TSPAN9: variants seen among roughly 807,000 people sequenced by gnomAD.
The protein encoded by TSPAN9 is tetraspanin-9.
A neutral mutation model predicts 31.0 loss-of-function variants in TSPAN9; 16 were observed. The ratio of observed to expected loss-of-function variants is 0.52; its 90% confidence interval spans 0.35 to 0.78. TSPAN9 has a LOEUF of 0.78. Ranked by LOEUF, TSPAN9 falls within the 30% of genes least tolerant of loss-of-function variation. The probability of loss-of-function intolerance (pLI) is 0.01; values close to 1 mark genes in which losing one functional copy is unlikely to be tolerated. For synonymous variants in TSPAN9, 145 were observed against 121.6 expected (o/e 1.19, Z -1.27); for missense variants, 272 against 312.5 (o/e 0.87, Z 0.98).
intron 2 of TSPAN9, among the ~76,000 whole-genome samples, chr12:3,182,627 C>T (rs909077834): frequency 3.9e-5 from 6 of 152,202 alleles, no homozygotes; most frequent in Admixed American, 3.9e-4. Flanking sequence ...ACTGGCACCC[C>T]ATTCTCTTGC....
rs1463367512 is a variant in TSPAN9 at position 3,166,351 on chromosome 12, TTTG to T, written c.-17-34823_-17-34821del. On this transcript the variant is annotated intron_variant, in intron 2 of 8. Transcript: ENST00000011898. ...GCACTTTCCACTAATTTAGAAAGGATTTGTTATTACTGATTAATGAGGTTTTAC... is the reference window on the plus strand; with the variant it reads ...GCACTTTCCACTAATTTAGAAAGGATTTATTACTGATTAATGAGGTTTTAC... Among the ~76,000 whole-genome samples, 8 of 152,240 alleles carry T rather than the reference TTTG, an allele frequency of 5.3e-5. 1 individual carries two copies. The highest frequency in any genetic ancestry group is 5.2e-4 in the Admixed American group (8 of 15,290).
intron 4 of TSPAN9, 57 bp from the exon 5 acceptor site, chr12:3,278,934 TC>T: frequency 6.3e-7 from 1 of 1,577,056 alleles, no homozygotes; most frequent in South Asian, 1.1e-5. Flanking sequence ...TTCCACACCC[TC>T]CTTGTCCTCA....
intron 2 of TSPAN9, among the ~76,000 whole-genome samples, chr12:3,189,373 G>GTATT (rs2098363141): frequency 6.6e-6 from 1 of 152,216 alleles, no homozygotes; most frequent in African/African-American, 2.4e-5. Context: ...ACAAGCTTGA[G>GTATT]TATTTGTGTT....
At chr12:3,207,795 G>A (rs1462842501) in intron 3 of TSPAN9, among the ~76,000 whole-genome samples, 6 of 143,678 alleles carry the variant, frequency 4.2e-5, no homozygotes, top group East Asian at 4.1e-4. Context: ...GTGGGTGACC[G>A]GCCAAGGAGG....
At chr12:3,137,623 C>T (rs2153967446) in intron 2 of TSPAN9, among the ~76,000 whole-genome samples, 1 of 152,254 alleles carries the variant, frequency 6.6e-6, no homozygotes, top group Admixed American at 6.5e-5. Context: ...CAGGCTCCAA[C>T]ATCCTGCTTG....
chr12:3,141,666 G>GGC (rs1420106174), intron 2 of TSPAN9, among the ~76,000 whole-genome samples: 3 of 152,180 alleles, frequency 2.0e-5, no homozygotes, highest in African/African-American at 7.2e-5. Context: ...GTCCTAGATG[G>GGC]TGGCACCCCA....
intron 3 of TSPAN9, among the ~76,000 whole-genome samples, chr12:3,260,154 C>T (rs1258752780): frequency 2.6e-5 from 4 of 152,246 alleles, no homozygotes; most frequent in African/African-American, 7.2e-5. Flanking sequence ...CTCCGCTCAA[C>T]GGGAGTCAGA....
chr12:3,126,342 G>A (rs138228724), intron 2 of TSPAN9, among the ~76,000 whole-genome samples: 185 of 152,258 alleles, frequency 1.2e-3, no homozygotes, highest in African/African-American at 4.2e-3. Flanking sequence ...TATGGCCTAC[G>A]GCACACCTAG....
intron 2 of TSPAN9, among the ~76,000 whole-genome samples, chr12:3,121,100 C>T (rs2098324862): frequency 6.6e-6 from 1 of 152,216 alleles, no homozygotes; most frequent in Admixed American, 6.5e-5. Flanking sequence ...AAGTCCCTTC[C>T]AACTCTGCAT....
intron 3 of TSPAN9, among the ~76,000 whole-genome samples, chr12:3,248,432 G>A (rs913798538): frequency 6.6e-6 from 1 of 151,968 alleles, no homozygotes; most frequent in African/African-American, 2.4e-5. Flanking sequence ...TTCTTGCCCT[G>A]GACTTAATGT....
chr12:3,223,238 G>A (rs1029152390), intron 3 of TSPAN9, among the ~76,000 whole-genome samples: 12 of 152,218 alleles, frequency 7.9e-5, no homozygotes, highest in African/African-American at 1.9e-4. Context: ...TGCTGTAGTC[G>A]TCATCCTTGG....
chr12:3,243,408 G>A (rs2153977349), intron 3 of TSPAN9, among the ~76,000 whole-genome samples: 1 of 152,314 alleles, frequency 6.6e-6, no homozygotes, highest in East Asian at 1.9e-4. Flanking sequence ...GGGCGGCTCA[G>A]AGAAGTTAAG....
At chr12:3,109,205 G>C (rs1378514925) in intron 2 of TSPAN9, among the ~76,000 whole-genome samples, 4 of 150,612 alleles carry the variant, frequency 2.7e-5, no homozygotes, top group Admixed American at 2.0e-4. Flanking sequence ...CAGAGTGCTG[G>C]GATTACAGGT....
chr12:3,228,681 C>A lies in TSPAN9; in HGVS notation c.63+27425C>A, dbSNP rs1418040950. On this transcript the variant is annotated intron_variant, in intron 3 of 8. Transcript: ENST00000011898. The stretch of plus-strand genomic sequence containing the variant: ...GTCTCAGCGTGAGTTGATGTTGGTA[C>A]AGTTGATGTTGCTGGGAGGTATCTT... Among the ~76,000 whole-genome samples the A allele has an allele frequency of 2.6e-5, 4 of 152,222 alleles. No individual in the cohort carries two copies. The East Asian group carries it at 7.7e-4, about 29-fold the overall frequency.
intron 3 of TSPAN9, among the ~76,000 whole-genome samples, chr12:3,236,978 G>A (rs896610896): frequency 7.2e-5 from 11 of 152,128 alleles, no homozygotes; most frequent in African/African-American, 2.7e-4. Flanking sequence ...GAGCACACAT[G>A]TGAAATGACT....
At chr12:3,082,290 G>A (rs1305291106) in intron 1 of TSPAN9, among the ~76,000 whole-genome samples, 1 of 152,240 alleles carries the variant, frequency 6.6e-6, no homozygotes, top group Middle Eastern at 3.2e-3. Flanking sequence ...GCTAGGCACT[G>A]AGAAAGTTGA....
intron 2 of TSPAN9, among the ~76,000 whole-genome samples, chr12:3,198,398 C>CCACCAGCACAGGTCA (rs1565610327): frequency 1.2e-3 from 97 of 83,032 alleles, no homozygotes; most frequent in South Asian, 1.9e-3. Flanking sequence ...GCACAGGTCA[C>CCACCAGCACAGGTCA]CACCAGCACA....
At chr12:3,163,565 C>A (rs933734713) in intron 2 of TSPAN9, among the ~76,000 whole-genome samples, 1 of 152,196 alleles carries the variant, frequency 6.6e-6, no homozygotes, top group Non-Finnish European at 1.5e-5. Flanking sequence ...GGTCACACAT[C>A]GTTGGTGCTG....
At chr12:3,196,990 C>A (rs2098367346) in intron 2 of TSPAN9, among the ~76,000 whole-genome samples, 1 of 152,158 alleles carries the variant, frequency 6.6e-6, no homozygotes, top group Non-Finnish European at 1.5e-5. Flanking sequence ...CTCCGTGACA[C>A]CAGGCCCCCA....
Sources: gnomAD v4.1 joint callset for allele counts (sites outside exome capture counted in the v4.1 genomes callset) on GRCh38, gnomAD v4.1.1 for gene constraint, MANE v1.5 for transcripts, NCBI Gene and HGNC (gene_info 2026-07-23, HGNC 2026-07-21) for gene names.